The following BANK1 variants were observed in gnomAD, a reference collection of about 807,000 sequenced individuals.
BANK1 encodes the protein B cell scaffold protein with ankyrin repeats 1.
Under a neutral mutation model 94.5 loss-of-function variants are expected in BANK1, and 95 were observed. The observed-to-expected ratio is 1.00, with a 90% confidence interval of 0.85 to 1.19. The LOEUF is 1.19. Among genes scored for constraint, BANK1 ranks in the 50% most tolerant of loss-of-function variants. BANK1 has a pLI of 0.00. For synonymous variants in BANK1, 334 were observed against 308.4 expected (o/e 1.08, Z -0.87); for missense variants, 987 against 932.2 (o/e 1.06, Z -0.77).
At chr4:101,915,316 G>T (rs1722792345) in intron 6 of BANK1, among the ~76,000 whole-genome samples, 2 of 152,004 alleles carry the variant, frequency 1.3e-5, no homozygotes, top group South Asian at 4.1e-4. Context: ...ATACAATCTG[G>T]CTCCAAAGTC....
chr4:101,832,629 T>C (rs928362185), intron 2 of BANK1, among the ~76,000 whole-genome samples: 9 of 152,340 alleles, frequency 5.9e-5, no homozygotes, highest in African/African-American at 2.2e-4. Flanking sequence ...TACCTTTTGG[T>C]TGAGCACTTA....
intron 6 of BANK1, among the ~76,000 whole-genome samples, chr4:101,897,688 A>C (rs1421993829): frequency 6.6e-6 from 1 of 152,006 alleles, no homozygotes; most frequent in Non-Finnish European, 1.5e-5. Context: ...AGCTTTTAAA[A>C]CATCCTATGT....
In BANK1 at chr4:102,025,456, C is replaced by G. The variant is rs774795790; in HGVS notation, c.1541C>G (p.Pro514Arg). The G allele has an allele frequency of 6.2e-7, 1 of 1,614,072 alleles. No individual in the cohort carries two copies. The highest frequency in any genetic ancestry group is 8.5e-7 in the Non-Finnish European group (1 of 1,180,010). ...AGCAGCAGACCTCCTCTCCCCCCGC[C>G]GCGACCTGTAGCTAATGCCTTCCAA... is the stretch of plus-strand genomic sequence containing the variant. ...LMSSRPPLPP[P>R]RPVANAFQLE... is the part of the protein sequence containing the mutation. Residue 514 changes from proline to arginine, a missense_variant, in exon 9 of 17, where the codon CCG becomes CGG. Coordinates refer to ENST00000322953, the MANE Select transcript of BANK1 (RefSeq NM_017935.5).
rs181602170 is a variant in BANK1, at chr4:101,924,810, G to A, written c.1206+6621G>A. The stretch of plus-strand genomic sequence containing the variant: ...TTCCAATTTCTCGAATAAGCATAAT[G>A]TATTATATTCATCACTCAGGTTTTT... On this transcript the variant is annotated intron_variant, in intron 7 of 16. Coordinates refer to ENST00000322953, the MANE Select transcript of BANK1 (RefSeq NM_017935.5). 2.8e-3 allele frequency among the ~76,000 whole-genome samples: 429 copies of A among 151,790 alleles called. 1 individual carries two copies. The highest frequency in any genetic ancestry group is 9.6e-3 in the African/African-American group (400 of 41,468).
At chr4:101,851,513 A>G (rs1198264276) in intron 2 of BANK1, among the ~76,000 whole-genome samples, 1 of 152,200 alleles carries the variant, frequency 6.6e-6, no homozygotes, top group African/African-American at 2.4e-5. Context: ...CAAAGGAATA[A>G]TGAGTGAATT....
intron 7 of BANK1, among the ~76,000 whole-genome samples, chr4:101,960,101 A>G (rs1344790510): frequency 6.6e-6 from 1 of 152,164 alleles, no homozygotes; most frequent in Non-Finnish European, 1.5e-5. Flanking sequence ...AAAACCTCCA[A>G]TTCTCATTTA....
intron 7 of BANK1, among the ~76,000 whole-genome samples, chr4:101,956,643 T>C (rs1426434543): frequency 6.6e-6 from 1 of 152,130 alleles, no homozygotes; most frequent in Non-Finnish European, 1.5e-5. Context: ...ACTCTCTGCT[T>C]ATCTGGAGAG....
intron 13 of BANK1, among the ~76,000 whole-genome samples, chr4:102,066,752 CTG>C (rs1368373773): frequency 1.3e-5 from 2 of 152,066 alleles, no homozygotes; most frequent in Non-Finnish European, 2.9e-5. Context: ...CTGAGGGAAT[CTG>C]TGGGAAAAAG....
At chr4:101,900,745 C>G (rs939028830) in intron 6 of BANK1, among the ~76,000 whole-genome samples, 1 of 152,120 alleles carries the variant, frequency 6.6e-6, no homozygotes, top group African/African-American at 2.4e-5. Context: ...ACAGTGTGAT[C>G]AAAAGTTCTA....
chr4:101,936,554 ATATATG>A (rs1249533799), intron 7 of BANK1, among the ~76,000 whole-genome samples: 80 of 150,898 alleles, frequency 5.3e-4, no homozygotes, highest in Non-Finnish European at 9.8e-4. Context: ...ACACGTATAC[ATATATG>A]TATATGTATA....
At chr4:101,832,747 T>A (rs1269503743) in intron 2 of BANK1, among the ~76,000 whole-genome samples, 3 of 152,206 alleles carry the variant, frequency 2.0e-5, no homozygotes, top group African/African-American at 7.2e-5. Flanking sequence ...CATTACATTT[T>A]AAAAATTCAC....
At chr4:101,829,210 T>C (rs1726507916) in intron 1 of BANK1, among the ~76,000 whole-genome samples, 1 of 152,174 alleles carries the variant, frequency 6.6e-6, no homozygotes, top group Non-Finnish European at 1.5e-5. Flanking sequence ...TGTTTCACAT[T>C]GATCCATAGA....
At chr4:101,815,595 TG>T (rs1357925177) in intron 1 of BANK1, among the ~76,000 whole-genome samples, 1 of 152,118 alleles carries the variant, frequency 6.6e-6, no homozygotes, top group African/African-American at 2.4e-5. Flanking sequence ...AAATTATTAT[TG>T]ATAGATATAA....
At chr4:101,988,096 G>T (rs547492211) in intron 7 of BANK1, among the ~76,000 whole-genome samples, 22 of 152,266 alleles carry the variant, frequency 1.4e-4, no homozygotes, top group South Asian at 2.1e-4. Context: ...TGAGATGTTT[G>T]TGGTTGCTAC....
chr4:101,822,617 CTTTTT>C (rs35179391), intron 1 of BANK1, among the ~76,000 whole-genome samples: 1 of 139,688 alleles, frequency 7.2e-6, no homozygotes. Flanking sequence ...GGAATCAATA[CTTTTT>C]TTTTTTTTTT....
intron 1 of BANK1, among the ~76,000 whole-genome samples, chr4:101,827,464 T>C (rs1384999401): frequency 6.6e-6 from 1 of 152,026 alleles, no homozygotes; most frequent in East Asian, 1.9e-4. Flanking sequence ...CTATTAAAGA[T>C]GAGGTTAGAA....
chr4:101,886,471 G>A (rs889255942), intron 5 of BANK1, among the ~76,000 whole-genome samples: 5 of 152,114 alleles, frequency 3.3e-5, no homozygotes, highest in Non-Finnish European at 5.9e-5. Context: ...AATAAATCAT[G>A]GCATCATTTA....
chr4:102,072,308 A>G (rs1728785400), intron 14 of BANK1, 37 bp from the exon 15 acceptor site: 1 of 1,437,920 alleles, frequency 7.0e-7, no homozygotes, highest in African/African-American at 1.4e-5. Flanking sequence ...AAATTTGTGA[A>G]TGAATAAAGA....
Position 102,060,235 on chromosome 4 carries a change from C to T in BANK1, c.1994C>T (p.Ala665Val), listed in dbSNP as rs1177109619. 3.8e-6 allele frequency: 6 copies of T among 1,587,100 alleles called. No individual in the cohort carries two copies. The highest frequency in any genetic ancestry group is 2.3e-5 in the East Asian group (1 of 43,822). ...KQDRARIESP[A>V]FSTLRGCLTD... ...GACAGAGCTCGGATAGAGAGTCCAG[C>T]CTTTTCTACTCTCAGGGGCTGTCTA... Residue 665 changes from alanine (A) to valine (V), a missense_variant, in exon 12 of 17, where the codon GCC (alanine) becomes GTC (valine). Transcript: ENST00000322953.
Sources: allele counts gnomAD v4.1 joint callset (sites outside exome capture counted in the v4.1 genomes callset), GRCh38; gene constraint gnomAD v4.1.1; transcripts MANE v1.5; gene names NCBI Gene and HGNC (gene_info 2026-07-23, HGNC 2026-07-21).